Variants in PALM2AKAP2 observed in about 807,000 individuals in gnomAD.
PALM2AKAP2 encodes the protein PALM2-AKAP2 fusion protein.
A neutral mutation model predicts 71.5 loss-of-function variants in PALM2AKAP2; 37 were observed. That is an observed-to-expected ratio of 0.52 (90% CI 0.40 to 0.68). The LOEUF (loss-of-function observed/expected upper bound fraction) is 0.68. PALM2AKAP2 is among the 30% of genes least tolerant of loss of function. PALM2AKAP2 has a pLI of 0.00. For synonymous variants in PALM2AKAP2, 468 were observed against 478.8 expected (o/e 0.98, Z 0.29); for missense variants, 1,224 against 1,191.8 (o/e 1.03, Z -0.40).
chr9:109,873,442 A>AAAAATAAAATAAAAT lies in PALM2AKAP2; in HGVS notation c.126+5912_126+5926dup, dbSNP rs58267168. Among the ~76,000 whole-genome samples, 898 of 143,060 alleles carry AAAAATAAAATAAAAT rather than the reference A, an allele frequency of 6.3e-3. 9 individuals are homozygous for AAAAATAAAATAAAAT. The highest frequency in any genetic ancestry group is 0.021 in the African/African-American group (799 of 37,706). 93.9% of individuals were successfully genotyped at this position (143,060 alleles called of 152,430 possible). On this transcript the variant is annotated intron_variant, in intron 2 of 9. Coordinates refer to the PALM2AKAP2 transcript ENST00000302798. ...CACAGTGAGACTCCATCTCAAATTA[A>AAAAATAAAATAAAAT]AAAATAAAATAAAATAAAATAAAAT...
intron 1 of PALM2AKAP2, among the ~76,000 whole-genome samples, chr9:109,687,597 G>A (rs936930564): frequency 1.3e-5 from 2 of 152,146 alleles, no homozygotes; most frequent in Non-Finnish European, 2.9e-5. Flanking sequence ...TCTGGATTAG[G>A]CTTTGGCTAA....
In PALM2AKAP2 at chr9:110,015,944, T is replaced by C; in HGVS notation, c.497-10T>C. ...CTTGGCTCAAATGGCACTTCTTTTT[T>C]TTCTTTCAGGAGTCGGGTGGGAGAA... On this transcript the variant is annotated splice_polypyrimidine_tract_variant and intron_variant, in intron 6 of 9. Transcript: ENST00000302798. 6.2e-7 allele frequency: 1 copy of C among 1,613,090 alleles called. No individual in the cohort carries two copies. Among genetic ancestry groups the C allele is most frequent in the Non-Finnish European group, 8.5e-7 (1 of 1,179,550 alleles).
chr9:109,658,758 G>C (rs145204130), intron 1 of PALM2AKAP2, among the ~76,000 whole-genome samples: 5 of 152,204 alleles, frequency 3.3e-5, no homozygotes, highest in East Asian at 3.9e-4. Flanking sequence ...CCATCAGTTC[G>C]TGTGAGACTT....
At chr9:109,746,620 A>G (rs974835333) in intron 1 of PALM2AKAP2, among the ~76,000 whole-genome samples, 2 of 152,182 alleles carry the variant, frequency 1.3e-5, no homozygotes, top group African/African-American at 4.8e-5. Context: ...GTGCTAGCCC[A>G]GTAGAGAGAC....
chr9:110,037,805 C>G (rs781231456), intron 7 of PALM2AKAP2, among the ~76,000 whole-genome samples: 2 of 152,108 alleles, frequency 1.3e-5, no homozygotes, highest in Non-Finnish European at 2.9e-5. Context: ...TTGCAATATA[C>G]TTGTTAATTT....
chr9:109,893,510 C>T (rs1830134180), intron 3 of PALM2AKAP2, among the ~76,000 whole-genome samples: 1 of 152,168 alleles, frequency 6.6e-6, no homozygotes, highest in South Asian at 2.1e-4. Flanking sequence ...TTGGTGTGAT[C>T]TTAGCTCACT....
At chr9:109,772,132 T>C (rs527293351) in intron 1 of PALM2AKAP2, 5 of 152,386 alleles carry the variant, frequency 3.3e-5, no homozygotes, top group African/African-American at 9.6e-5. Flanking sequence ...CTTTTTCTAA[T>C]TTACAAGTTC....
intron 1 of PALM2AKAP2, among the ~76,000 whole-genome samples, chr9:110,119,445 C>A (rs1250209115): frequency 6.6e-6 from 1 of 151,668 alleles, no homozygotes; most frequent in Admixed American, 6.6e-5. Context: ...CATTGGAGAT[C>A]CTTGTGTATA....
chr9:109,922,214 G>C (rs1588010500), intron 3 of PALM2AKAP2, among the ~76,000 whole-genome samples: 1 of 151,794 alleles, frequency 6.6e-6, no homozygotes, highest in East Asian at 1.9e-4. Context: ...AAGCCCAGGA[G>C]TTCAAGACCC....
At chr9:109,695,632 C>T (rs541739400) in intron 1 of PALM2AKAP2, among the ~76,000 whole-genome samples, 2 of 152,012 alleles carry the variant, frequency 1.3e-5, no homozygotes, top group East Asian at 1.9e-4. Flanking sequence ...CCCACATGTC[C>T]GTCAATGAAT....
intron 1 of PALM2AKAP2, among the ~76,000 whole-genome samples, chr9:109,796,883 CAG>C (rs1312504431): frequency 6.6e-6 from 1 of 152,294 alleles, no homozygotes; most frequent in South Asian, 2.1e-4. Context: ...GGTGGGGACA[CAG>C]AGCCAAACCA....
At chr9:109,773,002 T>C (rs537058869) in intron 1 of PALM2AKAP2, among the ~76,000 whole-genome samples, 5 of 152,070 alleles carry the variant, frequency 3.3e-5, no homozygotes, top group Non-Finnish European at 7.4e-5. Context: ...CCTGTAGTCC[T>C]AGCTACTTGG....
At chr9:109,775,657 A>G (rs908804075), upstream of PALM2AKAP2, among the ~76,000 whole-genome samples, 3 of 152,242 alleles carry the variant, frequency 2.0e-5, no homozygotes, top group African/African-American at 7.2e-5. Flanking sequence ...TCCTTTCAAA[A>G]TTACTTTTGT....
intron 1 of PALM2AKAP2, among the ~76,000 whole-genome samples, chr9:109,674,675 T>C (rs1827623839): frequency 6.6e-6 from 1 of 152,112 alleles, no homozygotes; most frequent in Admixed American, 6.6e-5. Flanking sequence ...TATGTAATTA[T>C]ATTATGGGGG....
intron 3 of PALM2AKAP2, among the ~76,000 whole-genome samples, chr9:109,882,689 C>G (rs765676623): frequency 6.6e-6 from 1 of 151,942 alleles, no homozygotes; most frequent in Admixed American, 6.6e-5. Context: ...GCTGTCCAGG[C>G]TGGACTGCAG....
chr9:109,704,122 T>C (rs944186872), intron 1 of PALM2AKAP2, among the ~76,000 whole-genome samples: 1 of 152,090 alleles, frequency 6.6e-6, no homozygotes, highest in East Asian at 1.9e-4. Context: ...GAGCTTGAGA[T>C]GGAGTATAGA....
At chr9:110,068,798 GT>G (rs1157069994) in intron 1 of PALM2AKAP2, among the ~76,000 whole-genome samples, 1 of 152,180 alleles carries the variant, frequency 6.6e-6, no homozygotes, top group Admixed American at 6.5e-5. Context: ...CTCCCAAAGT[GT>G]TGGGATTATA....
intron 3 of PALM2AKAP2, among the ~76,000 whole-genome samples, chr9:109,882,985 T>G (rs1829887596): frequency 6.6e-6 from 1 of 152,162 alleles, no homozygotes; most frequent in Non-Finnish European, 1.5e-5. Flanking sequence ...GGAAACATGG[T>G]CTTCCAATCA....
chr9:109,863,580 T>C (rs987180743), intron 1 of PALM2AKAP2, among the ~76,000 whole-genome samples: 1 of 152,038 alleles, frequency 6.6e-6, no homozygotes, highest in Non-Finnish European at 1.5e-5. Flanking sequence ...AGTTACTGGT[T>C]TTGTCCTGGT....
Sources: allele counts gnomAD v4.1 joint callset (sites outside exome capture counted in the v4.1 genomes callset), GRCh38; gene constraint gnomAD v4.1.1; transcripts MANE v1.5; gene names NCBI Gene and HGNC (gene_info 2026-07-23, HGNC 2026-07-21).